Variants in ZNF469 observed in about 807,000 individuals in gnomAD.
The protein encoded by ZNF469 is zinc finger protein 469.
ZNF469 carries 1 observed loss-of-function variant against 1.0 expected under a neutral mutation model. The observed-to-expected ratio is 1.00, with a 90% CI of 0.35 to 4.73. The LOEUF (loss-of-function observed/expected upper bound fraction) is 4.73. ZNF469 is among the 30% of genes most tolerant of loss of function. The pLI is 0.16. For synonymous variants in ZNF469, 2,703 were observed against 2,363.4 expected, an observed-to-expected ratio of 1.14 and a Z score of -4.17; for missense variants, 6,100 against 5,356.3, an observed-to-expected ratio of 1.14 and a Z score of -4.33.
Position 88,437,039 on chromosome 16 carries a change from A to G in ZNF469, c.9569A>G (p.Tyr3190Cys). Residue 3190 changes from tyrosine to cysteine, a missense_variant, in exon 3 of 3, where the codon TAC (tyrosine) becomes TGC (cysteine). Physicochemically the swap from Tyr to Cys is radical, Grantham distance 194. Transcript: ENST00000565624. ...AAGGAGGTGGCCGACGTCTGGATGTACAACGAGCACCTGCGTGAGCACGCG... is the reference window on the plus strand; with the variant it reads ...AAGGAGGTGGCCGACGTCTGGATGTGCAACGAGCACCTGCGTGAGCACGCG... ...CLKEVADVWM[Y>C]NEHLREHAVR... 2 of 1,533,718 alleles carry G rather than the reference A, an allele frequency of 1.3e-6. No homozygotes were observed. The highest frequency in any genetic ancestry group is 1.8e-6 in the Non-Finnish European group (2 of 1,142,056).
At chr16:88,153,962 C>G in the ZNF469 span, among the ~76,000 whole-genome samples, 1 of 151,784 alleles carries the variant, frequency 6.6e-6, no homozygotes, top group Non-Finnish European at 1.5e-5. Flanking sequence ...TCCTTAAAGG[C>G]CCCATCTTCA....
the ZNF469 span, among the ~76,000 whole-genome samples, chr16:88,203,196 G>C: frequency 6.6e-6 from 1 of 152,168 alleles, no homozygotes; most frequent in Non-Finnish European, 1.5e-5. Context: ...CAGGTGCTCG[G>C]AGAGTGAGGA....
the ZNF469 span, among the ~76,000 whole-genome samples, chr16:88,241,691 A>G: frequency 6.6e-6 from 1 of 152,152 alleles, no homozygotes; most frequent in Non-Finnish European, 1.5e-5. This position sits in a 1 kb window ranked among gnomAD's most constrained non-coding sequence, Gnocchi z 4.8. Flanking sequence ...TACCCCTGGG[A>G]TGCTTCATGG....
the ZNF469 span, among the ~76,000 whole-genome samples, chr16:88,193,266 A>ATG: frequency 3.0e-5 from 1 of 33,678 alleles, no homozygotes; most frequent in African/African-American, 1.1e-4. Context: ...TGATGGTGGT[A>ATG]GTGGTGATGG....
the ZNF469 span, among the ~76,000 whole-genome samples, chr16:88,210,288 A>T: frequency 1.3e-5 from 2 of 151,772 alleles, no homozygotes; most frequent in Admixed American, 1.3e-4. Flanking sequence ...TATTAGAACT[A>T]TTTCCCCTAT....
chr16:88,328,978 G>T, the ZNF469 span, among the ~76,000 whole-genome samples: 1 of 152,138 alleles, frequency 6.6e-6, no homozygotes, highest in Non-Finnish European at 1.5e-5. Context: ...TTCTCCACGG[G>T]GTCCCGACGT....
the ZNF469 span, among the ~76,000 whole-genome samples, chr16:88,203,178 G>A: frequency 7.2e-5 from 11 of 152,168 alleles, no homozygotes; most frequent in African/African-American, 9.7e-5. Flanking sequence ...GAGCATCCTC[G>A]AGTTGCCCAG....
At chr16:88,367,663 C>G in the ZNF469 span, among the ~76,000 whole-genome samples, 16 of 152,202 alleles carry the variant, frequency 1.1e-4, no homozygotes, top group Admixed American at 1.0e-3. Context: ...GAGCCAAGCC[C>G]AAGCATGCAG....
chr16:88,348,447 A>G, the ZNF469 span, among the ~76,000 whole-genome samples: 2 of 152,176 alleles, frequency 1.3e-5, no homozygotes, highest in African/African-American at 2.4e-5. Context: ...GGCCACACCA[A>G]CAGGTCCCCA....
At chr16:88,271,361 C>T in the ZNF469 span, among the ~76,000 whole-genome samples, 1 of 132,628 alleles carries the variant, frequency 7.5e-6, no homozygotes, top group Admixed American at 8.3e-5. Context: ...GAGGCGGCTT[C>T]GCAGACCATG....
chr16:88,393,089 C>T (rs924926336), intron 1 of ZNF469, among the ~76,000 whole-genome samples: 4 of 152,288 alleles, frequency 2.6e-5, no homozygotes, highest in African/African-American at 4.8e-5. Context: ...GGCCGCAGGG[C>T]CTGGCAGGAA....
At chr16:88,212,477 A>G in the ZNF469 span, among the ~76,000 whole-genome samples, 25 of 152,134 alleles carry the variant, frequency 1.6e-4, no homozygotes, top group African/African-American at 5.1e-4. Flanking sequence ...TTTCATTAAC[A>G]TCTGTTCTCC....
chr16:88,312,207 C>T, the ZNF469 span, among the ~76,000 whole-genome samples: 1 of 152,200 alleles, frequency 6.6e-6, no homozygotes, highest in Admixed American at 6.5e-5. Context: ...CACCTGGTCC[C>T]TCCCACAACA....
At chr16:88,367,343 A>G in the ZNF469 span, among the ~76,000 whole-genome samples, 1 of 152,226 alleles carries the variant, frequency 6.6e-6, no homozygotes, top group Non-Finnish European at 1.5e-5. Flanking sequence ...AAATTAAGGA[A>G]CAAGAGGGGT....
chr16:88,358,121 C>G, the ZNF469 span, among the ~76,000 whole-genome samples: 156 of 152,336 alleles, frequency 1.0e-3, 2 homozygotes, highest in African/African-American at 3.6e-3. Flanking sequence ...CTTGAGGTCC[C>G]ACCTCCCCCA....
the ZNF469 span, among the ~76,000 whole-genome samples, chr16:88,256,950 C>T: frequency 4.8e-5 from 1 of 20,872 alleles, no homozygotes; most frequent in African/African-American, 1.3e-4. Context: ...TTCTTTCTTT[C>T]TTTTCTTTTC....
At chr16:88,330,300 G>C in the ZNF469 span, among the ~76,000 whole-genome samples, 13 of 152,178 alleles carry the variant, frequency 8.5e-5, no homozygotes, top group Non-Finnish European at 1.5e-4. Context: ...GCCCTTCCTA[G>C]CATTTCTGCT....
chr16:88,340,885 G>A, the ZNF469 span, among the ~76,000 whole-genome samples: 4 of 152,128 alleles, frequency 2.6e-5, no homozygotes, highest in Non-Finnish European at 5.9e-5. Flanking sequence ...GACCTGCTAG[G>A]AGAGCCCGGG....
chr16:88,227,519 C>T, the ZNF469 span, among the ~76,000 whole-genome samples: 4 of 145,880 alleles, frequency 2.7e-5, no homozygotes, highest in African/African-American at 1.0e-4. Context: ...TCCCCATCTC[C>T]CCATCTCCCC....
Sources: allele counts gnomAD v4.1 joint callset (sites outside exome capture counted in the v4.1 genomes callset), GRCh38; gene constraint gnomAD v4.1.1; non-coding constraint Gnocchi (gnomAD v3.1); transcripts MANE v1.5; gene names NCBI Gene and HGNC (gene_info 2026-07-23, HGNC 2026-07-21).